USP25: variants seen among roughly 807,000 people sequenced by gnomAD.
The protein encoded by USP25 is ubiquitin carboxyl-terminal hydrolase 25.
USP25 carries 85 observed loss-of-function variants against 158.5 expected under a neutral mutation model. The ratio of observed to expected loss-of-function variants is 0.54; its 90% CI spans 0.45 to 0.64. The LOEUF (loss-of-function observed/expected upper bound fraction) is 0.64, where lower values mean the gene tolerates loss of function less well. Among genes scored for constraint, USP25 ranks in the 30% least tolerant of loss-of-function variants. The probability of loss-of-function intolerance (pLI) is 0.00; values close to 1 mark genes in which losing one functional copy is unlikely to be tolerated. For synonymous variants in USP25, 464 were observed against 460.4 expected (o/e 1.01, Z -0.10); for missense variants, 1,242 against 1,327.3 (o/e 0.94, Z 1.00).
chr21:15,864,031 CTTTTTT>C (rs369749565), intron 20 of USP25, among the ~76,000 whole-genome samples: 3 of 85,640 alleles, frequency 3.5e-5, no homozygotes, highest in Admixed American at 1.3e-4. Flanking sequence ...TGGGAGACTT[CTTTTTT>C]TTTTTTTTTT....
rs372351048 is a variant in USP25 at position 15,791,614 on chromosome 21, G to A, written c.505G>A (p.Val169Ile). The A allele has an allele frequency of 2.2e-5, 36 of 1,611,052 alleles. No individual in the cohort carries two copies. The highest frequency in any genetic ancestry group is 1.6e-4 in the Middle Eastern group (1 of 6,066). Reference sequence around the variant, plus strand: ...TAGAAAAAGACAGGACAAAGCTCCCGTTGGGCTAAAGAATGTTGGCAATAC... The same window carrying A: ...TAGAAAAAGACAGGACAAAGCTCCCATTGGGCTAAAGAATGTTGGCAATAC... ...YDRKRQDKAP[V>I]GLKNVGNTCW... Residue 169 changes from valine (V) to isoleucine (I), a missense_variant, in exon 5 of 26, where the codon GTT (valine) becomes ATT (isoleucine). Val to Ile is a conservative substitution (Grantham distance 29). Around this residue, in one of 3 missense-constraint regions of USP25, gnomAD observed 627 missense variants for 701.4 expected, o/e 0.89. Transcript: ENST00000400183.
chr21:15,743,854 G>T (rs2032289859), intron 1 of USP25: 1 of 154,886 alleles, frequency 6.5e-6, no homozygotes, highest in African/African-American at 2.4e-5. Flanking sequence ...TGTCTACTGT[G>T]GCTATCAGAA....
chr21:15,771,491 G>T (rs143239609), intron 3 of USP25, among the ~76,000 whole-genome samples: 9 of 152,172 alleles, frequency 5.9e-5, no homozygotes, highest in African/African-American at 2.2e-4. Context: ...CCCAGACCAG[G>T]GCCTGATGGG....
chr21:15,821,349 A>G (rs1033825657), intron 10 of USP25, among the ~76,000 whole-genome samples: 14 of 151,956 alleles, frequency 9.2e-5, no homozygotes, highest in African/African-American at 3.4e-4. Context: ...TTATCCTGTA[A>G]GGCAGTAACT....
intron 10 of USP25, among the ~76,000 whole-genome samples, chr21:15,819,081 G>T (rs1161685440): frequency 6.6e-6 from 1 of 152,074 alleles, no homozygotes; most frequent in Non-Finnish European, 1.5e-5. Context: ...AAAATCTTAG[G>T]ACATTGTTCA....
At chr21:15,846,352 G>A (rs1409792701) in intron 18 of USP25, among the ~76,000 whole-genome samples, 1 of 150,554 alleles carries the variant, frequency 6.6e-6, no homozygotes. Flanking sequence ...TAGTAGGGAC[G>A]GATTTCGCCA....
At chr21:15,832,724 GA>G (rs11311285) in intron 16 of USP25, among the ~76,000 whole-genome samples, 30,261 of 146,992 alleles carry the variant, frequency 0.21, 4,682 homozygotes, top group African/African-American at 0.44. Flanking sequence ...GAGTAGCAAA[GA>G]AAAAAAAAAA....
At chr21:15,820,410 C>G (rs1007852932) in intron 10 of USP25, among the ~76,000 whole-genome samples, 1 of 151,950 alleles carries the variant, frequency 6.6e-6, no homozygotes, top group African/African-American at 2.4e-5. Flanking sequence ...ACTCTGAATG[C>G]CCCTATGTTG....
At position 15,777,937 on chromosome 21, in the gene USP25, A is replaced by G. The variant is rs1600878674; in HGVS notation, c.302A>G (p.Asp101Gly). Residue 101 changes from aspartate to glycine, a missense_variant, in exon 4 of 26, where the codon GAT becomes GGT. Physicochemically the swap from Asp to Gly is moderately conservative, Grantham distance 94. Transcript: ENST00000400183. ...VIDLTGDDKD[D>G]LQRAIALSLA... ...GATCTCACTGGAGATGATAAAGATGATCTTCAGAGAGCAATTGCCTTGAGT... is the reference window on the plus strand; with the variant it reads ...GATCTCACTGGAGATGATAAAGATGGTCTTCAGAGAGCAATTGCCTTGAGT... The G allele has an allele frequency of 6.2e-7, 1 of 1,611,940 alleles. No individual in the cohort carries two copies. The highest frequency in any genetic ancestry group is 1.3e-5 in the African/African-American group (1 of 74,962).
chr21:15,814,449 G>C (rs960716156), intron 9 of USP25, among the ~76,000 whole-genome samples: 3 of 152,264 alleles, frequency 2.0e-5, no homozygotes, highest in Non-Finnish European at 2.9e-5. Context: ...GGGCTCAGAA[G>C]AAGATAGGAA....
rs1304910389 is a variant in USP25, at chr21:15,875,202, AT to A, written c.3009+677del. Reference sequence around the variant, plus strand: ...TCAAAAAAACAAGAATATACATAGAATGTATTAGAGTAATTTGTTTAACTTA... The same window carrying A: ...TCAAAAAAACAAGAATATACATAGAAGTATTAGAGTAATTTGTTTAACTTA... On this transcript the variant is annotated intron_variant, in intron 24 of 25. Transcript: ENST00000400183. This position sits in a 1 kb window ranked among gnomAD's most constrained non-coding sequence, Gnocchi z 4.7. 6.6e-6 allele frequency among the ~76,000 whole-genome samples: 1 copy of A among 152,176 alleles called. No individual in the cohort carries two copies. The highest frequency in any genetic ancestry group is 1.5e-5 in the Non-Finnish European group (1 of 68,036).
intron 1 of USP25, among the ~76,000 whole-genome samples, chr21:15,754,221 C>G (rs992070185): frequency 1.3e-5 from 2 of 152,156 alleles, no homozygotes; most frequent in African/African-American, 4.8e-5. Flanking sequence ...GTGGTGTGTC[C>G]TGAGCCCCAG....
Position 15,875,584 on chromosome 21 carries a change from A to G in USP25, c.3009+1058A>G, listed in dbSNP as rs1300324839. 2.6e-5 allele frequency among the ~76,000 whole-genome samples: 4 copies of G among 152,240 alleles called. No homozygotes were observed. Among genetic ancestry groups the G allele is most frequent in the East Asian group, 1.9e-4 (1 of 5,204 alleles). ...CATTATGAGAAATATGCACAATGATATGCCTGAAATATTTGGGAAGAACCT... is the reference window on the plus strand; with the variant it reads ...CATTATGAGAAATATGCACAATGATGTGCCTGAAATATTTGGGAAGAACCT... On this transcript the variant is annotated intron_variant, in intron 24 of 25. Transcript: ENST00000400183. The surrounding 1 kb of genome is among the most constrained non-coding windows in gnomAD (Gnocchi z 4.7).
intron 9 of USP25, among the ~76,000 whole-genome samples, chr21:15,815,711 T>G (rs1026106913): frequency 6.6e-6 from 1 of 152,192 alleles, no homozygotes. Flanking sequence ...ACTCCAATTG[T>G]AACTCTTCTC....
chr21:15,841,344 A>G (rs1287650533), intron 17 of USP25, among the ~76,000 whole-genome samples: 1 of 152,030 alleles, frequency 6.6e-6, no homozygotes, highest in Non-Finnish European at 1.5e-5. Flanking sequence ...ACCGATCTCT[A>G]GTTTTACTTT....
intron 24 of USP25, chr21:15,877,205 T>G (rs985441797): frequency 6.6e-6 from 1 of 152,202 alleles, no homozygotes; most frequent in African/African-American, 2.4e-5. Context: ...ACAGAAAAAG[T>G]TTGCCAATCC....
At chr21:15,815,870 C>T (rs2036912767) in intron 9 of USP25, among the ~76,000 whole-genome samples, 1 of 152,144 alleles carries the variant, frequency 6.6e-6, no homozygotes, top group South Asian at 2.1e-4. Flanking sequence ...ATATTACAGG[C>T]TTGTAGGCGG....
chr21:15,733,425 A>T (rs1182386384), intron 1 of USP25, among the ~76,000 whole-genome samples: 1 of 152,120 alleles, frequency 6.6e-6, no homozygotes, highest in African/African-American at 2.4e-5. Flanking sequence ...GAATCTTGGA[A>T]TTTAAAAATT....
At chr21:15,848,204 A>G (rs1300862703) in intron 19 of USP25, among the ~76,000 whole-genome samples, 1 of 152,128 alleles carries the variant, frequency 6.6e-6, no homozygotes, top group Non-Finnish European at 1.5e-5. Flanking sequence ...CAGGATGGAT[A>G]ATTGATATTT....
Sources: allele counts gnomAD v4.1 joint callset (sites outside exome capture counted in the v4.1 genomes callset), GRCh38; gene constraint gnomAD v4.1.1; regional missense constraint gnomAD v4.1.1; non-coding constraint Gnocchi (gnomAD v3.1); transcripts MANE v1.5; gene names NCBI Gene and HGNC (gene_info 2026-07-23, HGNC 2026-07-21).